DPP10: variants seen among roughly 807,000 people sequenced by gnomAD.
The protein encoded by DPP10 is dipeptidyl peptidase like 10.
A neutral mutation model predicts 120.9 loss-of-function variants in DPP10; 33 were observed. The ratio of observed to expected loss-of-function variants is 0.27; its 90% CI spans 0.21 to 0.37. The LOEUF (loss-of-function observed/expected upper bound fraction) is 0.37, where lower values mean the gene tolerates loss of function less well. DPP10 is among the 10% of genes least tolerant of loss of function. DPP10 has a pLI of 1.00. For missense variants in DPP10, 816 were observed against 942.8 expected, an observed-to-expected ratio of 0.87 and a Z score of 1.76; for synonymous variants, 337 against 326.1, an observed-to-expected ratio of 1.03 and a Z score of -0.36.
intron 1 of DPP10, among the ~76,000 whole-genome samples, chr2:114,473,551 A>T (rs1680115090): frequency 6.6e-6 from 1 of 152,180 alleles, no homozygotes; most frequent in Non-Finnish European, 1.5e-5. Context: ...AGAAATGTAG[A>T]TGTAGATGTA....
At position 115,570,827 on chromosome 2, in the gene DPP10, TATA is replaced by T. The variant is rs542791247; in HGVS notation, c.441+44866_441+44868del. Among the ~76,000 whole-genome samples, 13 of 152,348 alleles carry T rather than the reference TATA, an allele frequency of 8.5e-5. No homozygotes were observed. In the East Asian group the frequency reaches 1.9e-3, roughly 23 times the overall value. Reference sequence around the variant, plus strand: ...AATGAACAAATAATGTAACTATAAATATAATAATAATAACACAGAATTGTTATT... The same window carrying T: ...AATGAACAAATAATGTAACTATAAATATAATAATAACACAGAATTGTTATT... On this transcript the variant is annotated intron_variant, in intron 5 of 25. Coordinates refer to ENST00000410059, the MANE Select transcript of DPP10 (RefSeq NM_020868.6).
intron 1 of DPP10, among the ~76,000 whole-genome samples, chr2:115,090,679 T>C (rs6716683): frequency 0.79 from 120,278 of 151,588 alleles, 48,442 homozygotes; most frequent in Non-Finnish European, 0.88. Context: ...CTGAGAGGGG[T>C]TTCTGGACGA....
chr2:114,842,154 G>A (rs754024027), intron 1 of DPP10, among the ~76,000 whole-genome samples: 2 of 152,100 alleles, frequency 1.3e-5, no homozygotes, highest in African/African-American at 4.8e-5. Flanking sequence ...TGGGGGCTGA[G>A]TTTCAGGGAT....
intron 1 of DPP10, among the ~76,000 whole-genome samples, chr2:114,683,748 T>TC (rs919445931): frequency 1.2e-4 from 18 of 151,836 alleles, no homozygotes; most frequent in African/African-American, 4.3e-4. Flanking sequence ...TCAGCCCTTC[T>TC]CCCCTCCCGT....
intron 1 of DPP10, among the ~76,000 whole-genome samples, chr2:115,202,220 T>A (rs2055785869): frequency 6.6e-6 from 1 of 152,152 alleles, no homozygotes; most frequent in Non-Finnish European, 1.5e-5. Flanking sequence ...TGAGCACCCA[T>A]GCCTAGCCTA....
chr2:115,137,297 T>C (rs2050696698), intron 1 of DPP10, among the ~76,000 whole-genome samples: 1 of 152,122 alleles, frequency 6.6e-6, no homozygotes, highest in South Asian at 2.1e-4. Flanking sequence ...CCCTGGCCAG[T>C]GATTTGATTT....
Position 115,836,562 on chromosome 2 carries a change from C to T in DPP10, c.2106C>T (p.Tyr702=). The change falls in exon 23 of 26, where the codon TAC becomes TAT. Residue 702 remains tyrosine (Y), a synonymous_variant. Transcript: ENST00000410059. ...TGCCATCTAAGGAAGAAAGCACTTA[C>T]CAGGTAACTAATTTGAAAATAACAA... is the stretch of plus-strand genomic sequence containing the variant. ...LGMPSKEEST[Y]QAASVLHNVH... is the part of the protein sequence containing the mutation. 3 of 1,613,430 alleles carry T rather than the reference C, an allele frequency of 1.9e-6. No individual in the cohort carries two copies. Among genetic ancestry groups the T allele is most frequent in the Non-Finnish European group, 2.5e-6 (3 of 1,179,800 alleles).
chr2:114,749,368 T>C (rs1678962697), intron 1 of DPP10, among the ~76,000 whole-genome samples: 1 of 152,160 alleles, frequency 6.6e-6, no homozygotes, highest in Non-Finnish European at 1.5e-5. Context: ...CCATGTCTTT[T>C]ATAAAGACTC....
chr2:114,993,399 T>C (rs1700863564), intron 1 of DPP10, among the ~76,000 whole-genome samples: 1 of 151,358 alleles, frequency 6.6e-6, no homozygotes, highest in Non-Finnish European at 1.5e-5. Flanking sequence ...ATGAATAAAT[T>C]AGTCATCTAG....
At chr2:115,303,943 T>C (rs1053471398) in intron 1 of DPP10, among the ~76,000 whole-genome samples, 1 of 152,078 alleles carries the variant, frequency 6.6e-6, no homozygotes, top group Non-Finnish European at 1.5e-5. Flanking sequence ...ATTCCAGGTA[T>C]CTTTTAAAGT....
At chr2:115,239,072 T>C (rs1349323699) in intron 1 of DPP10, among the ~76,000 whole-genome samples, 1 of 152,154 alleles carries the variant, frequency 6.6e-6, no homozygotes, top group African/African-American at 2.4e-5. Context: ...CTGGCAGCAC[T>C]GGCAGCTGAT....
chr2:115,471,778 T>TTTGTTGTTG (rs57533300), intron 3 of DPP10, among the ~76,000 whole-genome samples: 10,742 of 149,652 alleles, frequency 0.072, 419 homozygotes, highest in African/African-American at 0.091. Context: ...TCTGTTTTTG[T>TTTGTTGTTG]TTGTTGTTGT....
At chr2:114,532,298 C>CATATATATATATATATATAT (rs1686081637) in intron 1 of DPP10, among the ~76,000 whole-genome samples, 1 of 58,550 alleles carries the variant, frequency 1.7e-5, no homozygotes, top group African/African-American at 7.9e-5. Context: ...TATATATATA[C>CATATATATATATATATATAT]ACACACACAC....
chr2:115,769,539 C>G (rs376484362), intron 13 of DPP10, among the ~76,000 whole-genome samples: 9 of 151,932 alleles, frequency 5.9e-5, no homozygotes, highest in African/African-American at 1.9e-4. Flanking sequence ...GGAATACATA[C>G]AATTTCCACA....
intron 1 of DPP10, among the ~76,000 whole-genome samples, chr2:114,753,593 G>T (rs1679436273): frequency 6.6e-6 from 1 of 152,030 alleles, no homozygotes; most frequent in Non-Finnish European, 1.5e-5. Flanking sequence ...TAGAAAACCT[G>T]CAATCTCGAG....
intron 1 of DPP10, among the ~76,000 whole-genome samples, chr2:114,658,640 T>G (rs1336446857): frequency 6.6e-6 from 1 of 152,174 alleles, no homozygotes; most frequent in Non-Finnish European, 1.5e-5. Flanking sequence ...ATCACACATA[T>G]AAGACTGCAA....
chr2:115,689,012 G>A (rs1007993482), intron 5 of DPP10, among the ~76,000 whole-genome samples: 1 of 152,124 alleles, frequency 6.6e-6, no homozygotes, highest in Non-Finnish European at 1.5e-5. Flanking sequence ...CACTGTGCTA[G>A]GTAATGTGGA....
intron 1 of DPP10, among the ~76,000 whole-genome samples, chr2:115,100,537 T>C (rs2048635358): frequency 6.6e-6 from 1 of 152,118 alleles, no homozygotes; most frequent in Admixed American, 6.5e-5. Context: ...CATATATTTG[T>C]ATATACGTAT....
intron 1 of DPP10, among the ~76,000 whole-genome samples, chr2:114,485,350 A>G (rs769491695): frequency 1.3e-5 from 2 of 152,154 alleles, no homozygotes; most frequent in Non-Finnish European, 2.9e-5. Context: ...AGCAACAGTA[A>G]AAAGCTGACT....
Sources: allele counts gnomAD v4.1 joint callset (sites outside exome capture counted in the v4.1 genomes callset), GRCh38; gene constraint gnomAD v4.1.1; transcripts MANE v1.5; gene names NCBI Gene and HGNC (gene_info 2026-07-23, HGNC 2026-07-21).